The following CCDC102B variants were observed in gnomAD, a reference collection of about 807,000 sequenced individuals.
The protein encoded by CCDC102B is coiled-coil domain-containing protein 102B.
A neutral mutation model predicts 57.4 loss-of-function variants in CCDC102B; 75 were observed. The ratio of observed to expected loss-of-function variants is 1.31; its 90% CI spans 1.08 to 1.58. The LOEUF (loss-of-function observed/expected upper bound fraction) is 1.58. Ranked by LOEUF, CCDC102B falls within the 40% of genes most tolerant of loss-of-function variation. CCDC102B has a pLI of 0.00. For missense variants in CCDC102B, 636 were observed against 582.6 expected (o/e 1.09, Z -0.94); for synonymous variants, 206 against 201.9 (o/e 1.02, Z -0.17).
chr18:68,824,819 A>G (rs2036841039), intron 1 of CCDC102B, among the ~76,000 whole-genome samples: 1 of 152,228 alleles, frequency 6.6e-6, no homozygotes. Context: ...AATAATAACA[A>G]TGATTAAAAT....
At chr18:68,760,122 C>A (rs746255600) in intron 2 of CCDC102B, among the ~76,000 whole-genome samples, 3 of 152,114 alleles carry the variant, frequency 2.0e-5, no homozygotes, top group Non-Finnish European at 4.4e-5. Context: ...GCACACTAAT[C>A]TCTATCTCAA....
intron 5 of CCDC102B, among the ~76,000 whole-genome samples, chr18:68,896,063 T>C (rs1357517643): frequency 6.6e-6 from 1 of 151,932 alleles, no homozygotes; most frequent in Non-Finnish European, 1.5e-5. Flanking sequence ...TTGTCTACAT[T>C]GGGGTAGATG....
intron 1 of CCDC102B, among the ~76,000 whole-genome samples, chr18:68,820,654 CT>C (rs2036656963): frequency 1.3e-5 from 2 of 152,026 alleles, no homozygotes; most frequent in African/African-American, 4.8e-5. Context: ...CATAAATAAT[CT>C]TTGCTAGATT....
chr18:68,737,385 C>T (rs2033182512), intron 2 of CCDC102B, among the ~76,000 whole-genome samples: 1 of 152,046 alleles, frequency 6.6e-6, no homozygotes. Flanking sequence ...CCAACACTCT[C>T]TCATACCCAA....
chr18:68,788,910 G>A (rs187585795), intron 2 of CCDC102B, among the ~76,000 whole-genome samples: 1 of 152,270 alleles, frequency 6.6e-6, no homozygotes, highest in East Asian at 1.9e-4. Context: ...AGTTGATGCA[G>A]TTTCTTCCTA....
intron 6 of CCDC102B, among the ~76,000 whole-genome samples, chr18:68,975,364 T>C (rs2050407028): frequency 6.8e-6 from 1 of 146,250 alleles, no homozygotes; most frequent in African/African-American, 2.8e-5. Context: ...ACAATGAAAT[T>C]ATAGAGCAAT....
chr18:68,812,992 G>C (rs994589558), intron 1 of CCDC102B, among the ~76,000 whole-genome samples: 1 of 151,960 alleles, frequency 6.6e-6, no homozygotes, highest in Non-Finnish European at 1.5e-5. Context: ...AAGGGGAAGG[G>C]AGGTGATATG....
At chr18:68,843,492 AATTGTG>A (rs1175262891) in intron 3 of CCDC102B, among the ~76,000 whole-genome samples, 9 of 152,098 alleles carry the variant, frequency 5.9e-5, no homozygotes, top group Non-Finnish European at 1.3e-4. Flanking sequence ...ATTATTGTGG[AATTGTG>A]ACAGTAAACA....
At chr18:69,023,953 A>G (rs1436536007) in intron 7 of CCDC102B, among the ~76,000 whole-genome samples, 4 of 152,020 alleles carry the variant, frequency 2.6e-5, no homozygotes, top group African/African-American at 9.7e-5. Flanking sequence ...GCTTTAATCA[A>G]TTATCTTTAT....
At chr18:68,819,230 T>G (rs989223385) in intron 1 of CCDC102B, among the ~76,000 whole-genome samples, 2 of 152,152 alleles carry the variant, frequency 1.3e-5, no homozygotes, top group Non-Finnish European at 2.9e-5. Context: ...AGGTTTATAG[T>G]TTTGTTTTAC....
At chr18:68,744,989 G>A (rs1026178437) in intron 2 of CCDC102B, among the ~76,000 whole-genome samples, 1 of 152,084 alleles carries the variant, frequency 6.6e-6, no homozygotes, top group African/African-American at 2.4e-5. Context: ...GTCCTGATGG[G>A]ACCATGGCAT....
intron 6 of CCDC102B, among the ~76,000 whole-genome samples, chr18:68,991,441 T>C (rs2145325260): frequency 6.6e-6 from 1 of 152,342 alleles, no homozygotes; most frequent in East Asian, 1.9e-4. Flanking sequence ...CTGGAGACTT[T>C]AGTTATAAAG....
At chr18:68,932,491 T>C (rs1259661367) in intron 6 of CCDC102B, among the ~76,000 whole-genome samples, 1 of 151,876 alleles carries the variant, frequency 6.6e-6, no homozygotes, top group African/African-American at 2.4e-5. Context: ...ATCATAGATA[T>C]TTAGACCACC....
At chr18:68,942,051 C>CA (rs1032022968) in intron 6 of CCDC102B, among the ~76,000 whole-genome samples, 2 of 151,892 alleles carry the variant, frequency 1.3e-5, no homozygotes, top group Non-Finnish European at 2.9e-5. Flanking sequence ...GTTAAAATAA[C>CA]AAATACACAG....
At chr18:68,905,755 T>G (rs1289281371) in intron 6 of CCDC102B, among the ~76,000 whole-genome samples, 1 of 150,520 alleles carries the variant, frequency 6.6e-6, no homozygotes, top group Non-Finnish European at 1.5e-5. Context: ...AATAATGGAA[T>G]CATGTGATAT....
chr18:68,907,252 G>T (rs2040683193), intron 6 of CCDC102B, among the ~76,000 whole-genome samples: 1 of 151,800 alleles, frequency 6.6e-6, no homozygotes, highest in African/African-American at 2.4e-5. Context: ...TTTCAACTTT[G>T]CTCTTTTTCA....
chr18:68,776,565 C>CA (rs2034825022), intron 2 of CCDC102B, among the ~76,000 whole-genome samples: 1 of 152,046 alleles, frequency 6.6e-6, no homozygotes, highest in Admixed American at 6.5e-5. Flanking sequence ...AACTCAGGAA[C>CA]AAAAAACAAA....
rs540995920 is a variant in CCDC102B, at chr18:68,948,063, A to G, written c.1263+50635A>G. 2.4e-3 allele frequency among the ~76,000 whole-genome samples: 365 copies of G among 152,224 alleles called. 2 individuals carry two copies. Among genetic ancestry groups the G allele is most frequent in the Non-Finnish European group, 3.4e-3 (229 of 67,974 alleles). ...CCATAATTTGAAATGCTTTTGCAAT[A>G]TATATACTCCATTTGCTAAAAGGTT... On this transcript the variant is annotated intron_variant, in intron 6 of 7. Transcript: ENST00000360242.
chr18:68,904,531 A>G (rs1346002668), intron 6 of CCDC102B, among the ~76,000 whole-genome samples: 1 of 152,222 alleles, frequency 6.6e-6, no homozygotes. Flanking sequence ...AAGTTAGCAG[A>G]GATAAAGAAT....
Sources: allele counts gnomAD v4.1 joint callset (sites outside exome capture counted in the v4.1 genomes callset), GRCh38; gene constraint gnomAD v4.1.1; transcripts MANE v1.5; gene names NCBI Gene and HGNC (gene_info 2026-07-23, HGNC 2026-07-21).